ANKRD27: variants seen among roughly 807,000 people sequenced by gnomAD.
ANKRD27 encodes ankyrin repeat domain 27, also known as ankyrin repeat domain-containing protein 27.
ANKRD27 carries 112 observed loss-of-function variants against 129.7 expected under a neutral mutation model. That is an observed-to-expected ratio of 0.86 (90% CI 0.74 to 1.01). The LOEUF is 1.01. ANKRD27 is among the 50% of genes least tolerant of loss of function. The pLI, the probability that ANKRD27 is intolerant of heterozygous loss-of-function variation, is 0.00. For synonymous variants in ANKRD27, 516 were observed against 511.2 expected (o/e 1.01, Z -0.13); for missense variants, 1,258 against 1,300.5 (o/e 0.97, Z 0.50).
intron 5 of ANKRD27, 78 bp downstream of exon 5, chr19:32,644,247 G>A: frequency 6.7e-7 from 1 of 1,498,758 alleles, no homozygotes; most frequent in East Asian, 2.3e-5. Context: ...GGCAGTTCCA[G>A]AGGAAACTGA....
Position 32,635,353 on chromosome 19 carries a change from T to C in ANKRD27, c.1117-3859A>G, listed in dbSNP as rs111465047. On this transcript the variant is annotated intron_variant, in intron 12 of 28. Coordinates refer to ENST00000306065, the MANE Select transcript of ANKRD27 (RefSeq NM_032139.3). Reference sequence around the variant, plus strand: ...AGAAACACAAGTTCCCACAGCCTCATAGAAAACAAGTCAAACTCACAACTC... The same window carrying C: ...AGAAACACAAGTTCCCACAGCCTCACAGAAAACAAGTCAAACTCACAACTC... Among the ~76,000 whole-genome samples, 34 of 152,250 alleles carry C rather than the reference T, an allele frequency of 2.2e-4. 1 individual carries two copies. Among genetic ancestry groups the C allele is most frequent in the African/African-American group, 7.2e-4 (30 of 41,552 alleles).
rs1384624766 is a variant in ANKRD27 at position 32,615,838 on chromosome 19, T to C, written c.2053-58A>G. The C allele has an allele frequency of 2.5e-6, 4 of 1,578,722 alleles. No individual in the cohort carries two copies. The African/African-American group carries it at 5.4e-5, about 21-fold the overall frequency. On this transcript the variant is annotated intron_variant, in intron 21 of 28. Coordinates refer to ENST00000306065, the MANE Select transcript of ANKRD27 (RefSeq NM_032139.3). ...ATCCTCAGCGTCTTTGCATGCACAA[T>C]ATCTTAAACACACACCATCAACCGT...
At chr19:32,625,437 TTTTTTTTTTTTTTGAGA>T (rs1323424641) in intron 17 of ANKRD27, among the ~76,000 whole-genome samples, 3 of 19,418 alleles carry the variant, frequency 1.5e-4, no homozygotes, top group African/African-American at 7.5e-4. Flanking sequence ...AACATTCTCT[TTTTTTTTTTTTTTGAGA>T]TGGAGTCTCA....
intron 4 of ANKRD27, 49 bp downstream of exon 4, chr19:32,646,410 A>C: frequency 6.4e-7 from 1 of 1,567,230 alleles, no homozygotes; most frequent in East Asian, 2.2e-5. Context: ...CAAGTTCAAC[A>C]AACACATTTT....
chr19:32,606,812 G>A (rs1971746586), intron 23 of ANKRD27, among the ~76,000 whole-genome samples: 1 of 151,622 alleles, frequency 6.6e-6, no homozygotes, highest in Non-Finnish European at 1.5e-5. Context: ...TTTCCTTAAA[G>A]AAAAGCAGGG....
At chr19:32,605,799 C>A in intron 24 of ANKRD27, 36 bp downstream of exon 24, 1 of 1,608,910 alleles carries the variant, frequency 6.2e-7, no homozygotes, top group Non-Finnish European at 8.5e-7. Context: ...TTAACTGGCG[C>A]AGGTGTGTAG....
chr19:32,670,917 T>C (rs440034), intron 1 of ANKRD27, among the ~76,000 whole-genome samples: 100,831 of 151,282 alleles, frequency 0.67, 34,009 homozygotes, highest in Non-Finnish European at 0.72. Context: ...ACCTGGGAAG[T>C]GGAGGTTGCA....
chr19:32,642,221 T>G, intron 9 of ANKRD27, 76 bp from the exon 10 acceptor site: 2 of 1,274,420 alleles, frequency 1.6e-6, no homozygotes, highest in South Asian at 2.3e-5. Context: ...AGAACACATC[T>G]CAGGATCTAC....
At chr19:32,613,802 G>A (rs978237258) in intron 22 of ANKRD27, among the ~76,000 whole-genome samples, 2 of 148,436 alleles carry the variant, frequency 1.3e-5, no homozygotes, top group African/African-American at 2.5e-5. Flanking sequence ...CCTGCCTCCC[G>A]GGTTCACGCC....
intron 2 of ANKRD27, among the ~76,000 whole-genome samples, chr19:32,651,002 C>T (rs1395838242): frequency 6.6e-6 from 1 of 152,062 alleles, no homozygotes; most frequent in Non-Finnish European, 1.5e-5. Flanking sequence ...ACCTTGGCCT[C>T]CCAAAGTGCT....
intron 2 of ANKRD27, among the ~76,000 whole-genome samples, chr19:32,656,059 A>AAAAGAAAGAAAGAAAAG (rs1967514837): frequency 3.0e-5 from 2 of 65,884 alleles, no homozygotes; most frequent in South Asian, 5.6e-4. Flanking sequence ...GAAAAGAAAG[A>AAAAGAAAGAAAGAAAAG]AAAGAAAGAA....
At chr19:32,608,296 C>A (rs1274646079) in intron 22 of ANKRD27, 3 of 256,430 alleles carry the variant, frequency 1.2e-5, no homozygotes, top group Non-Finnish European at 1.5e-5. Flanking sequence ...CAGATGTATG[C>A]CACTGTACCT....
intron 12 of ANKRD27, chr19:32,636,477 C>T (rs953677634): frequency 7.1e-6 from 1 of 140,886 alleles, no homozygotes; most frequent in African/African-American, 2.7e-5. Flanking sequence ...AAGAAATGAA[C>T]GAATAAAATG....
At chr19:32,664,415 G>C (rs1215343257) in intron 1 of ANKRD27, among the ~76,000 whole-genome samples, 2 of 151,706 alleles carry the variant, frequency 1.3e-5, no homozygotes, top group South Asian at 4.1e-4. Flanking sequence ...CTGAGGTCAG[G>C]AGTTCAAGAC....
At chr19:32,647,770 G>C (rs1185110755) in intron 3 of ANKRD27, among the ~76,000 whole-genome samples, 1 of 152,252 alleles carries the variant, frequency 6.6e-6, no homozygotes, top group Admixed American at 6.5e-5. Context: ...GCTTTGCGCA[G>C]CTGGTCTGCC....
chr19:32,629,720 C>T (rs866861696), intron 13 of ANKRD27, among the ~76,000 whole-genome samples: 1 of 151,224 alleles, frequency 6.6e-6, no homozygotes, highest in East Asian at 1.9e-4. Flanking sequence ...AACAAACAAA[C>T]AAAAAAACAA....
At chr19:32,614,825 A>T (rs947868834) in intron 22 of ANKRD27, among the ~76,000 whole-genome samples, 3 of 152,206 alleles carry the variant, frequency 2.0e-5, no homozygotes, top group African/African-American at 7.2e-5. Context: ...ACACACGAGA[A>T]CAAGCAGAAC....
At position 32,649,682 on chromosome 19, in the gene ANKRD27, C is replaced by T. The variant is rs753925090; in HGVS notation, c.213G>A (p.Lys71=). 40 of 1,599,120 alleles carry T rather than the reference C, an allele frequency of 2.5e-5. No individual in the cohort carries two copies. The highest frequency in any genetic ancestry group is 3.3e-5 in the Non-Finnish European group (38 of 1,166,618). The stretch of plus-strand genomic sequence containing the variant: ...GGCTGATCCACCAAGAAATGAATAC[C>T]TTTCCATTTAAGGTCTGAAAATGCT... ...VEEHFQTLNG[K]DVFIQGNRIK... is the part of the protein sequence containing the mutation. The change falls in exon 3 of 29, where the codon AAG becomes AAA. Residue 71 remains lysine (K), a splice_region_variant and synonymous_variant. Coordinates refer to ENST00000306065, the MANE Select transcript of ANKRD27 (RefSeq NM_032139.3).
At chr19:32,632,275 C>A (rs747849783) in intron 12 of ANKRD27, among the ~76,000 whole-genome samples, 2 of 150,944 alleles carry the variant, frequency 1.3e-5, no homozygotes, top group African/African-American at 4.9e-5. Flanking sequence ...GGTGAGAGAG[C>A]GAGACTCCAT....
Sources: gnomAD v4.1 joint callset for allele counts (sites outside exome capture counted in the v4.1 genomes callset) on GRCh38, gnomAD v4.1.1 for gene constraint, MANE v1.5 for transcripts, NCBI Gene and HGNC (gene_info 2026-07-23, HGNC 2026-07-21) for gene names.